NLRP13: variants seen among roughly 807,000 people sequenced by gnomAD.
The protein encoded by NLRP13 is NLR family pyrin domain containing 13.
A neutral mutation model predicts 94.4 loss-of-function variants in NLRP13; 82 were observed. The ratio of observed to expected loss-of-function variants is 0.87; its 90% CI spans 0.73 to 1.04. The LOEUF is 1.04. NLRP13 is among the 50% of genes least tolerant of loss of function. The pLI is 0.00. For missense variants in NLRP13, 1,426 were observed against 1,230.8 expected (o/e 1.16, Z -2.37); for synonymous variants, 553 against 464.7 (o/e 1.19, Z -2.45).
chr19:55,918,501 G>A lies in NLRP13; in HGVS notation c.524-5208C>T, dbSNP rs191292289. ...TGGCTAGCTATACTAACTAATGAAA[G>A]AAGAGAAGATTCAAACAAACAATCA... is the stretch of plus-strand genomic sequence containing the variant. On this transcript the variant is annotated intron_variant, in intron 4 of 10. Coordinates refer to ENST00000342929, the MANE Select transcript of NLRP13 (RefSeq NM_176810.2). Among the ~76,000 whole-genome samples the A allele has an allele frequency of 2.5e-3, 383 of 151,880 alleles. 3 individuals are homozygous for A. Among genetic ancestry groups the A allele is most frequent in the African/African-American group, 8.7e-3 (363 of 41,490 alleles).
At chr19:55,913,775 A>G (rs1380393334) in intron 4 of NLRP13, among the ~76,000 whole-genome samples, 1 of 151,680 alleles carries the variant, frequency 6.6e-6, no homozygotes, top group East Asian at 1.9e-4. Flanking sequence ...AGGCGGGGGG[A>G]AGGCCAAGGT....
intron 7 of NLRP13, among the ~76,000 whole-genome samples, chr19:55,906,761 C>A (rs536895486): frequency 3.3e-5 from 5 of 152,062 alleles, no homozygotes; most frequent in South Asian, 4.2e-4. Flanking sequence ...CAGACCCCCC[C>A]CTGCTCCATG....
intron 4 of NLRP13, among the ~76,000 whole-genome samples, chr19:55,922,317 GTTTTTTGT>G (rs1296252771): frequency 6.6e-6 from 1 of 151,678 alleles, no homozygotes; most frequent in Non-Finnish European, 1.5e-5. Flanking sequence ...TTTTATTGTT[GTTTTTTGT>G]TTTTTTGTTT....
At chr19:55,899,898 G>A (rs970891095) in intron 9 of NLRP13, among the ~76,000 whole-genome samples, 1 of 151,608 alleles carries the variant, frequency 6.6e-6, no homozygotes, top group Non-Finnish European at 1.5e-5. Flanking sequence ...GATTTCCCTA[G>A]AGTTTAGACA....
At chr19:55,928,180 G>A (rs1987016754) in intron 1 of NLRP13, among the ~76,000 whole-genome samples, 1 of 152,130 alleles carries the variant, frequency 6.6e-6, no homozygotes, top group African/African-American at 2.4e-5. Flanking sequence ...ACAAGACAAG[G>A]ACCAGGGAAA....
chr19:55,906,126 T>C (rs940873660), intron 7 of NLRP13, among the ~76,000 whole-genome samples: 1 of 151,932 alleles, frequency 6.6e-6, no homozygotes, highest in Non-Finnish European at 1.5e-5. Context: ...TCACCTGAGT[T>C]CAGGAGTTCG....
chr19:55,900,755 GAC>G (rs2123106173), intron 9 of NLRP13, among the ~76,000 whole-genome samples: 1 of 129,594 alleles, frequency 7.7e-6, no homozygotes, highest in Non-Finnish European at 1.6e-5. Flanking sequence ...CAGCCTGAGT[GAC>G]AGAACAAGAC....
At chr19:55,905,804 G>A (rs1215127721) in intron 7 of NLRP13, among the ~76,000 whole-genome samples, 1 of 152,142 alleles carries the variant, frequency 6.6e-6, no homozygotes, top group African/African-American at 2.4e-5. Flanking sequence ...CCCACTAGTA[G>A]CAACCCCTAC....
At chr19:55,931,968 C>A (rs201736825) in intron 1 of NLRP13, 25 bp downstream of exon 1, 4 of 1,607,852 alleles carry the variant, frequency 2.5e-6, no homozygotes, top group South Asian at 2.2e-5. Flanking sequence ...GCAGCCCTCC[C>A]GCCTTCCTTC....
At chr19:55,905,952 C>T (rs568009546) in intron 7 of NLRP13, among the ~76,000 whole-genome samples, 1 of 152,060 alleles carries the variant, frequency 6.6e-6, no homozygotes, top group Non-Finnish European at 1.5e-5. Flanking sequence ...TCAAAGAAGC[C>T]TAAGGAAATT....
At chr19:55,919,403 T>C (rs1235003497) in intron 4 of NLRP13, among the ~76,000 whole-genome samples, 2 of 151,940 alleles carry the variant, frequency 1.3e-5, no homozygotes, top group Non-Finnish European at 2.9e-5. Flanking sequence ...AATAAAAAGG[T>C]ATCTAAATTG....
At chr19:55,898,057 C>T (rs1157515944) in intron 10 of NLRP13, among the ~76,000 whole-genome samples, 1 of 152,144 alleles carries the variant, frequency 6.6e-6, no homozygotes, top group East Asian at 1.9e-4. Flanking sequence ...CTGCGCTCCC[C>T]TCAACTTCCC....
In NLRP13 at chr19:55,910,499, A is replaced by G. The variant is rs1357646839; in HGVS notation, c.2282+64T>C. 4.2e-6 allele frequency: 6 copies of G among 1,430,810 alleles called. No homozygotes were observed. The African/African-American group carries it at 7.0e-5, about 17-fold the overall frequency. 88.6% of individuals were successfully genotyped at this position (1,430,810 alleles called of 1,614,324 possible). A position where few individuals can be genotyped will look rare whatever the true frequency, so the allele number is the denominator to read the frequency against. ...TGGCAAATAGTCAACCACACTCATC[A>G]AAAGAGAGAAGTTGGGAGATTCTCC... On this transcript the variant is annotated intron_variant, in intron 6 of 10. Transcript: ENST00000342929.
intron 4 of NLRP13, among the ~76,000 whole-genome samples, chr19:55,916,068 A>T (rs1156443705): frequency 6.6e-6 from 1 of 152,196 alleles, no homozygotes; most frequent in Non-Finnish European, 1.5e-5. Context: ...TCACACACCT[A>T]GTAAACCACT....
chr19:55,913,028 G>A lies in NLRP13; in HGVS notation c.789C>T (p.Ser263=), dbSNP rs1277969665. The A allele has an allele frequency of 4.3e-6, 7 of 1,613,968 alleles. No homozygotes were observed. Among genetic ancestry groups the A allele is most frequent in the Non-Finnish European group, 5.9e-6 (7 of 1,180,004 alleles). ...TATGGCAGCTGAGATAGAAAACATA[G>A]GAGAACCTTTGCTGAAAGAGAACTC... ...ANGVLFQQRF[S]YVFYLSCHKI... Residue 263 remains serine (S), a synonymous_variant, in exon 5 of 11, where the codon TCC becomes TCT. Coordinates refer to ENST00000342929, the MANE Select transcript of NLRP13 (RefSeq NM_176810.2).
At chr19:55,907,268 A>G (rs1986380898) in intron 7 of NLRP13, among the ~76,000 whole-genome samples, 1 of 151,478 alleles carries the variant, frequency 6.6e-6, no homozygotes, top group South Asian at 2.1e-4. Flanking sequence ...TGGAATCTGT[A>G]TTTTAAAACA....
intron 1 of NLRP13, among the ~76,000 whole-genome samples, chr19:55,927,184 C>A (rs536465347): frequency 4.0e-5 from 6 of 151,876 alleles, no homozygotes; most frequent in East Asian, 3.9e-4. Flanking sequence ...GCCTGGCCAG[C>A]GTGGGGAAAC....
rs142186945 is a variant in NLRP13, at chr19:55,912,944, A to T, written c.873T>A (p.Asp291Glu). 11 of 1,613,902 alleles carry T rather than the reference A, an allele frequency of 6.8e-6. No homozygotes were observed. The African/African-American group carries it at 1.5e-4, about 22-fold the overall frequency. Residue 291 changes from aspartate to glutamate, a missense_variant, in exon 5 of 11, where the codon GAT (aspartate) becomes GAA (glutamate). Asp to Glu is a conservative substitution (Grantham distance 45, BLOSUM62 2). Transcript: ENST00000342929. The stretch of plus-strand genomic sequence containing the variant: ...TGAACTCTTCAATGGGGGCATCAAA[A>T]TCGGGCCAATCCAAAGAAATCAATT... ...FAELISLDWP[D>E]FDAPIEEFMS...
chr19:55,924,877 G>C, intron 2 of NLRP13, 90 bp downstream of exon 2: 5 of 1,161,330 alleles, frequency 4.3e-6, no homozygotes, highest in Non-Finnish European at 5.1e-6. Context: ...ATAAATTCAA[G>C]AAATTTCAGA....
Sources: gnomAD v4.1 joint callset for allele counts (sites outside exome capture counted in the v4.1 genomes callset) on GRCh38, gnomAD v4.1.1 for gene constraint, MANE v1.5 for transcripts, NCBI Gene and HGNC (gene_info 2026-07-23, HGNC 2026-07-21) for gene names.